IFT172: variants seen among roughly 807,000 people sequenced by gnomAD.
IFT172 encodes intraflagellar transport 172, also known as intraflagellar transport protein 172 homolog.
IFT172 carries 164 observed loss-of-function variants against 248.9 expected under a neutral mutation model. The ratio of observed to expected loss-of-function variants is 0.66; its 90% CI spans 0.58 to 0.75. The LOEUF is 0.75. IFT172 is among the 30% of genes least tolerant of loss of function. The probability of loss-of-function intolerance (pLI) is 0.00; values close to 1 mark genes in which losing one functional copy is unlikely to be tolerated. For synonymous variants in IFT172, 729 were observed against 791.6 expected (o/e 0.92, Z 1.33); for missense variants, 1,950 against 2,192.4 (o/e 0.89, Z 2.21).
chr2:27,453,696 T>C lies in IFT172; in HGVS notation c.3755A>G (p.Tyr1252Cys), dbSNP rs766521095. 8 of 1,612,114 alleles carry C rather than the reference T, an allele frequency of 5.0e-6. No individual in the cohort carries two copies. The highest frequency in any genetic ancestry group is 1.1e-5 in the South Asian group (1 of 90,936). Reference protein sequence around the residue: ...WSDALRICKDYVPSQLEALQE... With the variant: ...WSDALRICKDCVPSQLEALQE... ...CAGAGCCTCCAGCTGGCTGGGCACA[T>C]AGTCCTTGCAGATGCGCAGAGCGTC... Residue 1252 changes from tyrosine to cysteine, a missense_variant, in exon 34 of 48, where the codon TAT (tyrosine) becomes TGT (cysteine). By Grantham distance (194) the Tyr-to-Cys change is radical (BLOSUM62 -2). Coordinates refer to ENST00000260570, the MANE Select transcript of IFT172 (RefSeq NM_015662.3).
At chr2:27,478,280 T>G in intron 10 of IFT172, 124 bp from the exon 11 acceptor site, 1 of 1,097,610 alleles carries the variant, frequency 9.1e-7, no homozygotes, top group Non-Finnish European at 1.3e-6. Flanking sequence ...TCCCTGGGTC[T>G]AGGATATTGT....
At chr2:27,480,001 C>T (rs754584381) in intron 9 of IFT172, 25 bp downstream of exon 9, 1 of 1,604,272 alleles carries the variant, frequency 6.2e-7, no homozygotes, top group Non-Finnish European at 8.5e-7. Flanking sequence ...GTCACCAATC[C>T]AGAAAGGGAT....
Position 27,481,987 on chromosome 2 carries a change from C to CT in IFT172, c.571-728dup, listed in dbSNP as rs139411064. Among the ~76,000 whole-genome samples the CT allele has an allele frequency of 6.8e-3, 960 of 140,968 alleles. 8 individuals carry two copies. The highest frequency in any genetic ancestry group is 0.021 in the African/African-American group (818 of 38,536). The allele number at this position is 140,968 out of a possible 152,430, so 92.5% of individuals were successfully genotyped here. A position where few individuals can be genotyped will look rare whatever the true frequency, so the allele number is the denominator to read the frequency against. On this transcript the variant is annotated intron_variant, in intron 7 of 47. Transcript: ENST00000260570. Reference sequence around the variant, plus strand: ...TTTCAGTATTATACGAATAATTCTTCTTTTTTTTTTTTTTTAGATGGAGTC... The same window carrying CT: ...TTTCAGTATTATACGAATAATTCTTCTTTTTTTTTTTTTTTTAGATGGAGTC...
intron 8 of IFT172, 69 bp downstream of exon 8, chr2:27,480,977 T>A: frequency 8.1e-7 from 1 of 1,231,278 alleles, no homozygotes; most frequent in Admixed American, 1.7e-5. Context: ...TGGCTCAGAA[T>A]AATTTGGCTA....
intron 41 of IFT172, 27 bp from the exon 42 acceptor site, chr2:27,447,661 G>A (rs748841885): frequency 1.2e-6 from 2 of 1,613,956 alleles, no homozygotes; most frequent in Non-Finnish European, 8.5e-7. Flanking sequence ...GCACAGCCTG[G>A]CTCAGGGGTC....
At chr2:27,462,978 G>T (rs910049478) in intron 19 of IFT172, 119 bp downstream of exon 19, 38 of 1,220,254 alleles carry the variant, frequency 3.1e-5, no homozygotes, top group Non-Finnish European at 4.2e-5. Flanking sequence ...GAGGGTAAAG[G>T]TGGGGTGGGC....
chr2:27,453,444 G>A lies in IFT172; in HGVS notation c.3891C>T (p.Asp1297=). The A allele has an allele frequency of 2.5e-6, 4 of 1,614,210 alleles. No individual in the cohort carries two copies. The highest frequency in any genetic ancestry group is 3.4e-6 in the Non-Finnish European group (4 of 1,180,022). The part of the protein sequence containing the change: ...EQAGEYSRAV[D]CYLKVRDSGN... ...CAGAGTCTCGCACTTTGAGGTAGCA[G>A]TCCACGGCACGGCTGTACTCTCCAG... Residue 1297 remains aspartate, a synonymous_variant, in exon 35 of 48, where the codon GAC becomes GAT. Coordinates refer to ENST00000260570, the MANE Select transcript of IFT172 (RefSeq NM_015662.3).
intron 24 of IFT172, 82 bp downstream of exon 24, chr2:27,459,627 C>G (rs1666473034): frequency 4.4e-6 from 7 of 1,602,386 alleles, no homozygotes; most frequent in Non-Finnish European, 5.1e-6. Context: ...GAGATCTCTT[C>G]TTTAAGGCCT....
intron 19 of IFT172, 94 bp from the exon 20 acceptor site, chr2:27,462,887 A>G: frequency 7.5e-7 from 1 of 1,336,468 alleles, no homozygotes; most frequent in Admixed American, 1.9e-5. Context: ...TGTAGAAAAC[A>G]AAAGACTTGG....
At position 27,459,719 on chromosome 2, in the gene IFT172, T is replaced by C. The variant is rs1045778698; in HGVS notation, c.2632A>G (p.Ile878Val). Residue 878 changes from isoleucine to valine, a missense_variant, in exon 24 of 48, where the codon ATC becomes GTC. Coordinates refer to ENST00000260570, the MANE Select transcript of IFT172 (RefSeq NM_015662.3). ...CCCATACTCCCATACCTGGCTTCGATGTAGTGATTAATGGCTGCATCAAGC... is the reference window on the plus strand; with the variant it reads ...CCCATACTCCCATACCTGGCTTCGACGTAGTGATTAATGGCTGCATCAAGC... The part of the protein sequence containing the change: ...KQLDAAINHY[I>V]EARCSIKAIE... 8.7e-6 allele frequency: 14 copies of C among 1,612,506 alleles called. No individual in the cohort carries two copies. Among genetic ancestry groups the C allele is most frequent in the Non-Finnish European group, 7.6e-6 (9 of 1,180,026 alleles).
chr2:27,455,584 A>ATG, intron 30 of IFT172: 2 of 207,928 alleles, frequency 9.6e-6, no homozygotes, highest in Non-Finnish European at 1.9e-5. Flanking sequence ...GGTGGCGGGC[A>ATG]CCTGTAGTCC....
chr2:27,471,048 G>A lies in IFT172; in HGVS notation c.1572C>T (p.Asn524=), dbSNP rs1208242658. The change falls in exon 16 of 48, where the codon AAC becomes AAT. Residue 524 remains asparagine, a synonymous_variant. Transcript: ENST00000260570. ...GGACCCACTGCATATAGGAGCAGAAGTTGAGGATCATTGTCTTAGAGCAGC... is the reference window on the plus strand; with the variant it reads ...GGACCCACTGCATATAGGAGCAGAAATTGAGGATCATTGTCTTAGAGCAGC... ...IESCSKTMIL[N]FCSYMQWVPG... 3.1e-6 allele frequency: 5 copies of A among 1,612,682 alleles called. No individual in the cohort carries two copies. Among genetic ancestry groups the A allele is most frequent in the East Asian group, 2.2e-5 (1 of 44,894 alleles).
Position 27,444,404 on chromosome 2 carries a change from G to C in IFT172, c.*28C>G. The C allele has an allele frequency of 7.0e-7, 1 of 1,424,078 alleles. No homozygotes were observed. Among genetic ancestry groups the C allele is most frequent in the East Asian group, 2.3e-5 (1 of 44,040 alleles). The allele number at this position is 1,424,078 out of a possible 1,614,324, so 88.2% of individuals were successfully genotyped here. ...ATTTATAAAACTTTAATGAGGGAGA[G>C]GCCCTAACTCTTCCTCAGCTCTACC... On this transcript the variant is annotated 3_prime_UTR_variant, in exon 48 of 48. Coordinates refer to ENST00000260570, the MANE Select transcript of IFT172 (RefSeq NM_015662.3).
chr2:27,477,796 A>G (rs1460819121), intron 11 of IFT172, among the ~76,000 whole-genome samples, 184 bp from the exon 12 acceptor site: 1 of 152,180 alleles, frequency 6.6e-6, no homozygotes, highest in Non-Finnish European at 1.5e-5. Flanking sequence ...TTTCTGAGAG[A>G]TGGCATAAAA....
At chr2:27,484,507 C>T (rs962473117) in intron 3 of IFT172, among the ~76,000 whole-genome samples, 2 of 152,050 alleles carry the variant, frequency 1.3e-5, no homozygotes, top group African/African-American at 2.4e-5. Context: ...AGGAGAATTG[C>T]GTGAACCTGG....
At chr2:27,470,274 A>AGAGAGAG (rs1667457314) in intron 16 of IFT172, among the ~76,000 whole-genome samples, 1 of 60,096 alleles carries the variant, frequency 1.7e-5, no homozygotes, top group South Asian at 6.1e-4. Flanking sequence ...GAGAGAGAAA[A>AGAGAGAG]AAAAAAGAGA....
At chr2:27,449,451 G>T (rs1572722583) in intron 38 of IFT172, 48 bp downstream of exon 38, 1 of 1,611,016 alleles carries the variant, frequency 6.2e-7, no homozygotes, top group East Asian at 2.2e-5. Context: ...AGAGAGTCTT[G>T]TGAGTCTCTC....
At position 27,485,374 on chromosome 2, in the gene IFT172, G is replaced by A. The variant is rs1668684634; in HGVS notation, c.169C>T (p.Pro57Ser). The change falls in exon 2 of 48, where the codon CCA (proline) becomes TCA (serine). Residue 57 changes from proline (P) to serine (S), a missense_variant. Pro to Ser is a moderately conservative substitution (Grantham distance 74). Transcript: ENST00000260570. ...ACACTGTTTACCTTCATGTCAGCTGGTTTGGTGGAGAATTTATCTCTCCGT... is the reference window on the plus strand; with the variant it reads ...ACACTGTTTACCTTCATGTCAGCTGATTTGGTGGAGAATTTATCTCTCCGT... ...GERRDKFSTK[P>S]ADMKYGRKSY... 4 of 1,613,956 alleles carry A rather than the reference G, an allele frequency of 2.5e-6. No homozygotes were observed. The Admixed American group carries it at 5.0e-5, about 20-fold the overall frequency.
rs112543588 is a variant in IFT172 at position 27,480,840 on chromosome 2, G to C, written c.785+206C>G. Among the ~76,000 whole-genome samples, 578 of 152,172 alleles carry C rather than the reference G, an allele frequency of 3.8e-3. 6 individuals carry two copies. Among genetic ancestry groups the C allele is most frequent in the African/African-American group, 0.013 (546 of 41,516 alleles). ...ATTCTGCTGTGGAAGTGCAGGGAGCGGCACAGAGACAAAACAAGAGCCCAG... is the reference window on the plus strand; with the variant it reads ...ATTCTGCTGTGGAAGTGCAGGGAGCCGCACAGAGACAAAACAAGAGCCCAG... On this transcript the variant is annotated intron_variant, in intron 8 of 47. Coordinates refer to ENST00000260570, the MANE Select transcript of IFT172 (RefSeq NM_015662.3).
Sources: gnomAD v4.1 joint callset for allele counts (sites outside exome capture counted in the v4.1 genomes callset) on GRCh38, gnomAD v4.1.1 for gene constraint, MANE v1.5 for transcripts, NCBI Gene and HGNC (gene_info 2026-07-23, HGNC 2026-07-21) for gene names.